The following NCOA2 variants were observed in gnomAD, a reference collection of about 807,000 sequenced individuals.
NCOA2 encodes nuclear receptor coactivator 2.
A neutral mutation model predicts 145.1 loss-of-function variants in NCOA2; 21 were observed. That is an observed-to-expected ratio of 0.14 (90% CI 0.10 to 0.21). The LOEUF is 0.21. NCOA2 is among the 10% of genes least tolerant of loss of function. The probability of loss-of-function intolerance (pLI) is 1.00; values close to 1 mark genes in which losing one functional copy is unlikely to be tolerated. For missense variants in NCOA2, 1,472 were observed against 1,837.6 expected (o/e 0.80, Z 3.64); for synonymous variants, 619 against 637.5 (o/e 0.97, Z 0.44).
upstream of NCOA2, among the ~76,000 whole-genome samples, chr8:70,406,738 T>C (rs1279464855): frequency 6.6e-6 from 1 of 152,212 alleles, no homozygotes; most frequent in Admixed American, 6.5e-5. Flanking sequence ...AGAATTTCTA[T>C]TTTTGTCTGC....
chr8:70,375,608 T>C (rs1811595954), intron 1 of NCOA2, among the ~76,000 whole-genome samples: 1 of 152,234 alleles, frequency 6.6e-6, no homozygotes, highest in African/African-American at 2.4e-5. Flanking sequence ...GTCACTGTAA[T>C]GTTGCTACTG....
At chr8:70,432,446 G>A in the NCOA2 span, among the ~76,000 whole-genome samples, 1 of 152,134 alleles carries the variant, frequency 6.6e-6, no homozygotes, top group African/African-American at 2.4e-5. Context: ...AGGATTGCTT[G>A]AGGCCAGGGG....
At chr8:70,126,341 T>C (rs1369686235) in intron 19 of NCOA2, among the ~76,000 whole-genome samples, 2 of 152,228 alleles carry the variant, frequency 1.3e-5, no homozygotes, top group African/African-American at 4.8e-5. Context: ...TATTCATTAA[T>C]GATCTGGTAT....
chr8:70,287,176 C>T (rs542936739), intron 2 of NCOA2, among the ~76,000 whole-genome samples: 3 of 152,034 alleles, frequency 2.0e-5, no homozygotes, highest in Non-Finnish European at 4.4e-5. Flanking sequence ...CTCGGGAGGT[C>T]GAGGCTGCAG....
intron 15 of NCOA2, among the ~76,000 whole-genome samples, chr8:70,136,527 T>C (rs1809751066): frequency 6.6e-6 from 1 of 150,526 alleles, no homozygotes; most frequent in East Asian, 2.0e-4. Context: ...TAAAGATCTC[T>C]TTTATATACC....
chr8:70,426,927 G>T, the NCOA2 span, among the ~76,000 whole-genome samples: 1 of 152,126 alleles, frequency 6.6e-6, no homozygotes, highest in Non-Finnish European at 1.5e-5. Context: ...CAAGTAGCTG[G>T]TATTACAGGT....
intron 20 of NCOA2, 59 bp downstream of exon 20, chr8:70,124,628 TG>T (rs1808200844): frequency 6.8e-7 from 1 of 1,475,420 alleles, no homozygotes; most frequent in Non-Finnish European, 9.1e-7. Flanking sequence ...GGCATGAAGG[TG>T]GGGGATGTCC....
chr8:70,116,143 C>T (rs990663379), intron 22 of NCOA2, among the ~76,000 whole-genome samples: 9 of 144,434 alleles, frequency 6.2e-5, no homozygotes, highest in South Asian at 2.3e-4. Context: ...GCCGAGATTG[C>T]GCCACTGCAC....
At chr8:70,232,869 T>TCACACACACACA (rs1240903830) in intron 2 of NCOA2, among the ~76,000 whole-genome samples, 1 of 15,964 alleles carries the variant, frequency 6.3e-5, no homozygotes, top group African/African-American at 3.8e-4. Context: ...GATTTAGAAT[T>TCACACACACACA]TACACACACA....
At chr8:70,353,464 T>A (rs1809422272) in intron 1 of NCOA2, among the ~76,000 whole-genome samples, 3 of 147,538 alleles carry the variant, frequency 2.0e-5, no homozygotes, top group Non-Finnish European at 1.5e-5. Flanking sequence ...AGTTTTTATC[T>A]GGTAAATCTT....
intron 22 of NCOA2, among the ~76,000 whole-genome samples, chr8:70,117,848 G>T (rs1258891128): frequency 6.6e-6 from 1 of 152,252 alleles, no homozygotes; most frequent in Non-Finnish European, 1.5e-5. Context: ...TAGGCTTGCA[G>T]TAAATGCTCA....
the NCOA2 span, among the ~76,000 whole-genome samples, chr8:70,448,152 G>A: frequency 6.6e-6 from 1 of 152,030 alleles, no homozygotes; most frequent in Non-Finnish European, 1.5e-5. Context: ...TAAAATGGAG[G>A]CTAATGCTAA....
At chr8:70,337,658 T>C (rs1807733776) in intron 1 of NCOA2, among the ~76,000 whole-genome samples, 1 of 152,080 alleles carries the variant, frequency 6.6e-6, no homozygotes, top group Admixed American at 6.6e-5. Context: ...ACTATACAAG[T>C]TTCTGTAAAA....
intron 2 of NCOA2, among the ~76,000 whole-genome samples, chr8:70,286,717 A>G (rs1445417605): frequency 6.6e-6 from 1 of 152,188 alleles, no homozygotes; most frequent in Non-Finnish European, 1.5e-5. Flanking sequence ...CATGGTAAAT[A>G]CTGTTAATTA....
chr8:70,286,824 G>A (rs567238448), intron 2 of NCOA2, among the ~76,000 whole-genome samples: 7 of 152,168 alleles, frequency 4.6e-5, no homozygotes, highest in South Asian at 2.1e-4. Flanking sequence ...AACAAAACCC[G>A]GGGAAATCTG....
At chr8:70,185,661 A>G (rs974868162) in intron 4 of NCOA2, among the ~76,000 whole-genome samples, 3 of 152,176 alleles carry the variant, frequency 2.0e-5, no homozygotes, top group Non-Finnish European at 2.9e-5. Flanking sequence ...CAGGCTCCAG[A>G]AAAGTTTACA....
intron 2 of NCOA2, among the ~76,000 whole-genome samples, chr8:70,277,960 T>A (rs1825591749): frequency 6.6e-6 from 1 of 152,224 alleles, no homozygotes; most frequent in African/African-American, 2.4e-5. Context: ...ACAATAGTTT[T>A]TAGTATATTC....
the NCOA2 span, among the ~76,000 whole-genome samples, chr8:70,443,912 T>G: frequency 2.0e-5 from 3 of 152,220 alleles, no homozygotes; most frequent in Non-Finnish European, 4.4e-5. Context: ...ACTATGGTCA[T>G]GGTCACATGA....
In NCOA2 at chr8:70,113,095, C is replaced by G. The variant is rs995770268; in HGVS notation, c.*537G>C. The G allele has an allele frequency of 5.0e-6, 1 of 200,540 alleles. No individual in the cohort carries two copies. Among genetic ancestry groups the G allele is most frequent in the Non-Finnish European group, 1.0e-5 (1 of 97,218 alleles). 12.4% of individuals were successfully genotyped at this position (200,540 alleles called of 1,614,324 possible). On this transcript the variant is annotated 3_prime_UTR_variant, in exon 23 of 23. Transcript: ENST00000452400. ...ACTGGGTGTGTCTGTAAATACAGCG[C>G]TGTCCACGGTGTCTGTCCTGCTTCC... is the stretch of plus-strand genomic sequence containing the variant.
Sources: gnomAD v4.1 joint callset for allele counts (sites outside exome capture counted in the v4.1 genomes callset) on GRCh38, gnomAD v4.1.1 for gene constraint, MANE v1.5 for transcripts, NCBI Gene and HGNC (gene_info 2026-07-23, HGNC 2026-07-21) for gene names.